CCDC192: variants seen among roughly 807,000 people sequenced by gnomAD.
CCDC192 encodes the protein coiled-coil domain-containing protein 192.
intron 6 of CCDC192, among the ~76,000 whole-genome samples, chr5:127,901,673 A>C (rs1753041328): frequency 1.3e-5 from 2 of 152,202 alleles, no homozygotes; most frequent in South Asian, 4.1e-4. Context: ...TCCTGCTCCC[A>C]GTCAGTCAGG....
intron 5 of CCDC192, among the ~76,000 whole-genome samples, chr5:127,820,420 A>G (rs1298471350): frequency 2.0e-5 from 3 of 152,154 alleles, no homozygotes; most frequent in East Asian, 1.9e-4. Context: ...CGCCTCTACT[A>G]AAAATACAAA....
intron 6 of CCDC192, among the ~76,000 whole-genome samples, chr5:127,932,033 A>C (rs1754043788): frequency 6.6e-6 from 1 of 151,332 alleles, no homozygotes; most frequent in Admixed American, 6.6e-5. Context: ...GCGCACCTGT[A>C]GTCCCACCTA....
chr5:127,763,124 A>G (rs923144211), intron 3 of CCDC192, among the ~76,000 whole-genome samples: 9 of 152,122 alleles, frequency 5.9e-5, no homozygotes, highest in African/African-American at 2.2e-4. Context: ...TTAAGTCCTC[A>G]CTACTAGTCC....
rs184324393 is a variant in CCDC192 at position 127,896,779 on chromosome 5, G to A, written c.535+21118G>A. Among the ~76,000 whole-genome samples, 7 of 151,892 alleles carry A rather than the reference G, an allele frequency of 4.6e-5. No homozygotes were observed. The East Asian group carries it at 7.7e-4, about 17-fold the overall frequency. On this transcript the variant is annotated intron_variant, in intron 6 of 6. Transcript: ENST00000514853. ...TCATTTTCTGTGTTTCCTGTTTTGC[G>A]GTTTATTAAAGAAAAACCCAAAGAA...
chr5:127,903,434 G>A (rs1021226164), intron 6 of CCDC192, among the ~76,000 whole-genome samples: 5 of 152,048 alleles, frequency 3.3e-5, no homozygotes, highest in African/African-American at 9.7e-5. Context: ...GTAGAGACGG[G>A]GTTTTGCCAT....
intron 6 of CCDC192, among the ~76,000 whole-genome samples, chr5:127,888,617 C>T (rs968000123): frequency 6.6e-6 from 1 of 151,962 alleles, no homozygotes; most frequent in African/African-American, 2.4e-5. Flanking sequence ...TGGATGTTAA[C>T]CACTAAGTGT....
chr5:127,726,283 G>C (rs556428846), intron 2 of CCDC192, among the ~76,000 whole-genome samples: 32 of 152,234 alleles, frequency 2.1e-4, no homozygotes, highest in African/African-American at 7.2e-4. Context: ...CTATAATTGA[G>C]TCCAGTGAAC....
intron 5 of CCDC192, among the ~76,000 whole-genome samples, chr5:127,804,444 G>A (rs545943805): frequency 6.6e-6 from 1 of 152,324 alleles, no homozygotes; most frequent in East Asian, 1.9e-4. Context: ...AGAAAAAACA[G>A]TTGGAGCTGG....
intron 2 of CCDC192, among the ~76,000 whole-genome samples, chr5:127,726,618 T>C (rs1218859221): frequency 2.0e-5 from 3 of 152,290 alleles, no homozygotes; most frequent in East Asian, 3.9e-4. Context: ...CAGGAGGAAT[T>C]CCCCACAGCA....
At chr5:127,759,452 G>A (rs1397227499) in intron 3 of CCDC192, among the ~76,000 whole-genome samples, 1 of 152,176 alleles carries the variant, frequency 6.6e-6, no homozygotes, top group Non-Finnish European at 1.5e-5. Flanking sequence ...TGAGGACAGA[G>A]CAAGAAGCTG....
intron 3 of CCDC192, among the ~76,000 whole-genome samples, chr5:127,793,192 T>C (rs1231127008): frequency 1.3e-5 from 2 of 152,008 alleles, no homozygotes; most frequent in African/African-American, 4.8e-5. Flanking sequence ...GGTTATAGAG[T>C]CAGTGAGTTG....
chr5:127,741,092 G>T (rs919966549), intron 2 of CCDC192, among the ~76,000 whole-genome samples: 2 of 151,998 alleles, frequency 1.3e-5, no homozygotes, highest in Non-Finnish European at 2.9e-5. Context: ...ACAGGTTCTT[G>T]CTCTATCATC....
chr5:127,897,570 T>G (rs2127162797), intron 6 of CCDC192, among the ~76,000 whole-genome samples: 1 of 152,272 alleles, frequency 6.6e-6, no homozygotes, highest in Middle Eastern at 3.4e-3. Flanking sequence ...CCTCGGAGGA[T>G]TTTTAATATT....
chr5:127,801,351 G>T (rs1757497862), intron 5 of CCDC192, among the ~76,000 whole-genome samples: 1 of 152,080 alleles, frequency 6.6e-6, no homozygotes, highest in South Asian at 2.1e-4. Context: ...TTTCTGTTTG[G>T]AGTGTGCCTC....
At chr5:127,903,079 T>C (rs1384684095) in intron 6 of CCDC192, among the ~76,000 whole-genome samples, 2 of 152,084 alleles carry the variant, frequency 1.3e-5, no homozygotes, top group African/African-American at 4.8e-5. Flanking sequence ...CCTGATTTCC[T>C]CTCTAATGGT....
chr5:127,862,309 A>T (rs1255022513), intron 5 of CCDC192, among the ~76,000 whole-genome samples: 2 of 152,208 alleles, frequency 1.3e-5, no homozygotes, highest in Non-Finnish European at 2.9e-5. Context: ...CATCTGCAAC[A>T]TTCTGGAGTT....
At chr5:127,704,786 C>T (rs569319380) in intron 1 of CCDC192, among the ~76,000 whole-genome samples, 1 of 151,914 alleles carries the variant, frequency 6.6e-6, no homozygotes, top group South Asian at 2.1e-4. Flanking sequence ...CCCCAGTAAG[C>T]CTAGATCGCG....
intron 6 of CCDC192, among the ~76,000 whole-genome samples, chr5:127,882,526 AG>A (rs1752398966): frequency 1.3e-5 from 2 of 152,218 alleles, no homozygotes; most frequent in Non-Finnish European, 2.9e-5. Context: ...AATTAGATAT[AG>A]CAATAGTTGC....
intron 2 of CCDC192, among the ~76,000 whole-genome samples, chr5:127,750,539 T>G (rs1366046120): frequency 5.3e-5 from 8 of 151,346 alleles, no homozygotes; most frequent in African/African-American, 1.9e-4. Flanking sequence ...TCCAAGTATG[T>G]GGTCAATTTT....
Sources: allele counts gnomAD v4.1 joint callset (sites outside exome capture counted in the v4.1 genomes callset), GRCh38; gene constraint gnomAD v4.1.1; transcripts MANE v1.5; gene names NCBI Gene and HGNC (gene_info 2026-07-23, HGNC 2026-07-21).